Variants in TRPC3 observed in about 807,000 individuals in gnomAD.
The protein encoded by TRPC3 is transient receptor potential cation channel subfamily C member 3.
A neutral mutation model predicts 90.9 loss-of-function variants in TRPC3; 54 were observed. That is an observed-to-expected ratio of 0.59 (90% CI 0.48 to 0.75). The LOEUF is 0.75. TRPC3 is among the 30% of genes least tolerant of loss of function. TRPC3 has a pLI of 0.00. For missense variants in TRPC3, 918 were observed against 1,194.5 expected (o/e 0.77, Z 3.41); for synonymous variants, 424 against 450.9 (o/e 0.94, Z 0.75).
At chr4:121,923,520 A>G (rs532009249) in intron 3 of TRPC3, among the ~76,000 whole-genome samples, 3 of 151,656 alleles carry the variant, frequency 2.0e-5, no homozygotes, top group Non-Finnish European at 4.4e-5. Context: ...ATGAATTTTC[A>G]TAATGTAGAA....
intron 1 of TRPC3, among the ~76,000 whole-genome samples, chr4:121,936,490 A>G (rs911866341): frequency 1.3e-5 from 2 of 152,248 alleles, no homozygotes; most frequent in African/African-American, 4.8e-5. Context: ...TATGAGGGCC[A>G]TGTTTAAGCT....
At chr4:121,900,749 T>A (rs376380604) in intron 9 of TRPC3, among the ~76,000 whole-genome samples, 1 of 152,244 alleles carries the variant, frequency 6.6e-6, no homozygotes, top group African/African-American at 2.4e-5. Flanking sequence ...ATTAAAGAGA[T>A]GTAAACAGCT....
chr4:121,896,603 T>C (rs1020954802), intron 10 of TRPC3, among the ~76,000 whole-genome samples: 2 of 152,128 alleles, frequency 1.3e-5, no homozygotes, highest in Non-Finnish European at 2.9e-5. Flanking sequence ...GAAAGACCTC[T>C]TCAAGGAAAA....
At chr4:121,880,109 T>C (rs1560680835) in intron 11 of TRPC3, among the ~76,000 whole-genome samples, 1 of 152,176 alleles carries the variant, frequency 6.6e-6, no homozygotes, top group Non-Finnish European at 1.5e-5. Context: ...AACACTCAGC[T>C]TAAAGTATTG....
At chr4:121,936,897 T>C (rs1223338254) in intron 1 of TRPC3, among the ~76,000 whole-genome samples, 1 of 152,210 alleles carries the variant, frequency 6.6e-6, no homozygotes, top group Non-Finnish European at 1.5e-5. Flanking sequence ...GCAGCCTGAA[T>C]GAAGACACTG....
At chr4:121,923,157 C>A (rs533620078) in intron 3 of TRPC3, among the ~76,000 whole-genome samples, 1 of 152,038 alleles carries the variant, frequency 6.6e-6, no homozygotes. Context: ...CAAACATTGG[C>A]TTAGGTTCCA....
intron 10 of TRPC3, among the ~76,000 whole-genome samples, chr4:121,891,418 T>C (rs1173573067): frequency 3.3e-5 from 5 of 152,194 alleles, no homozygotes; most frequent in Non-Finnish European, 7.4e-5. Flanking sequence ...GAATACTGAC[T>C]ATGTTTAACT....
chr4:121,902,988 A>T lies in TRPC3; in HGVS notation c.2327T>A (p.Leu776Ter). 6.2e-7 allele frequency: 1 copy of T among 1,613,620 alleles called. No homozygotes were observed. The highest frequency in any genetic ancestry group is 1.1e-5 in the South Asian group (1 of 91,044). Reference protein sequence around the residue: ...WLSYFDDGKTLPPPFSLVPSP... With the variant: ...WLSYFDDGKT Reference sequence around the variant, plus strand: ...AGGAACTAGACTGAAAGGTGGAGGTAATGTTTTTCCATCATCAAAATAGGA... The same window carrying T: ...AGGAACTAGACTGAAAGGTGGAGGTTATGTTTTTCCATCATCAAAATAGGA... Residue 776 changes from leucine to a stop codon, truncating the protein, a stop_gained, in exon 9 of 12, where the codon TTA becomes TAA. Coordinates refer to ENST00000379645, the MANE Select transcript of TRPC3 (RefSeq NM_001130698.2). LOFTEE classifies it high-confidence loss of function.
chr4:121,903,312 A>T (rs1410552015), intron 8 of TRPC3, among the ~76,000 whole-genome samples: 1 of 152,130 alleles, frequency 6.6e-6, no homozygotes, highest in Non-Finnish European at 1.5e-5. Context: ...ACATCCAAAA[A>T]CAAGGCAAAA....
In TRPC3 at chr4:121,876,974, G is replaced by GT. The variant is rs1396974344; in HGVS notation, c.*2761dup. ...GGGCTTTGACAATCCTTTAATTAAT[G>GT]TTTTTTTCTATAAAGTTGTTTTTGG... On this transcript the variant is annotated 3_prime_UTR_variant, in exon 12 of 12. Transcript: ENST00000379645. Among the ~76,000 whole-genome samples the GT allele has an allele frequency of 2.0e-5, 3 of 152,104 alleles. No individual in the cohort carries two copies. Among genetic ancestry groups the GT allele is most frequent in the Non-Finnish European group, 2.9e-5 (2 of 68,002 alleles).
intron 5 of TRPC3, among the ~76,000 whole-genome samples, chr4:121,911,095 A>T (rs1410097572): frequency 6.6e-6 from 1 of 152,222 alleles, no homozygotes; most frequent in Admixed American, 6.5e-5. Flanking sequence ...ATTTTTAAAA[A>T]ATGTAATGGC....
At position 121,906,122 on chromosome 4, in the gene TRPC3, A is replaced by T. The variant is rs529844919; in HGVS notation, c.2057+1181T>A. Among the ~76,000 whole-genome samples the T allele has an allele frequency of 9.2e-5, 14 of 152,218 alleles. No homozygotes were observed. The South Asian group carries it at 1.4e-3, about 16-fold the overall frequency. ...CAAGAGGCTTTATATAACTCACCTT[A>T]CATAATTGTCACAACGACCTTATTT... On this transcript the variant is annotated intron_variant, in intron 7 of 11. Coordinates refer to ENST00000379645, the MANE Select transcript of TRPC3 (RefSeq NM_001130698.2).
At chr4:121,936,200 T>C (rs1470774002) in intron 1 of TRPC3, among the ~76,000 whole-genome samples, 3 of 152,230 alleles carry the variant, frequency 2.0e-5, no homozygotes, top group Non-Finnish European at 2.9e-5. Flanking sequence ...ATTTCATTAA[T>C]CTGAACTGAT....
At chr4:121,881,132 G>A (rs763862996) in intron 11 of TRPC3, among the ~76,000 whole-genome samples, 5 of 151,982 alleles carry the variant, frequency 3.3e-5, no homozygotes, top group East Asian at 3.8e-4. Context: ...CCTTGTCCCC[G>A]ACTCATGGGG....
intron 3 of TRPC3, among the ~76,000 whole-genome samples, chr4:121,916,865 C>T (rs1193246966): frequency 6.6e-6 from 1 of 152,090 alleles, no homozygotes; most frequent in Non-Finnish European, 1.5e-5. Flanking sequence ...AGGCATGTGC[C>T]ACCATGCCTG....
intron 3 of TRPC3, among the ~76,000 whole-genome samples, chr4:121,920,839 T>C (rs1428307182): frequency 6.6e-6 from 1 of 152,212 alleles, no homozygotes; most frequent in African/African-American, 2.4e-5. Flanking sequence ...GTTCTTGGGA[T>C]ATTAAGAAGA....
intron 10 of TRPC3, among the ~76,000 whole-genome samples, chr4:121,895,595 G>C (rs1433856264): frequency 1.3e-5 from 2 of 151,902 alleles, no homozygotes; most frequent in African/African-American, 2.4e-5. Flanking sequence ...TGGGAAAATA[G>C]ATAAAATCAC....
intron 1 of TRPC3, among the ~76,000 whole-genome samples, chr4:121,941,309 G>C (rs1413792053): frequency 1.3e-5 from 2 of 152,180 alleles, no homozygotes; most frequent in East Asian, 1.9e-4. Flanking sequence ...AGCAAGCAAA[G>C]TAAGAACACC....
intron 10 of TRPC3, among the ~76,000 whole-genome samples, chr4:121,895,686 G>C (rs886977107): frequency 6.6e-6 from 1 of 151,962 alleles, no homozygotes; most frequent in Non-Finnish European, 1.5e-5. Flanking sequence ...AAGATTAAAT[G>C]AGTGCATAAA....
Sources: allele counts gnomAD v4.1 joint callset (sites outside exome capture counted in the v4.1 genomes callset), GRCh38; gene constraint gnomAD v4.1.1; transcripts MANE v1.5; gene names NCBI Gene and HGNC (gene_info 2026-07-23, HGNC 2026-07-21).